CCDC125: variants seen among roughly 807,000 people sequenced by gnomAD.
The protein encoded by CCDC125 is coiled-coil domain-containing protein 125.
In CCDC125, 43 loss-of-function variants were observed where a neutral mutation model predicts 57.4. That is an observed-to-expected ratio of 0.75 (90% confidence interval 0.59 to 0.97). CCDC125 has a LOEUF of 0.97. Ranked by LOEUF, CCDC125 falls within the 50% of genes least tolerant of loss-of-function variation. The pLI is 0.00. For synonymous variants in CCDC125, 187 were observed against 195.2 expected, an observed-to-expected ratio of 0.96 and a Z score of 0.35; for missense variants, 563 against 595.7, an observed-to-expected ratio of 0.95 and a Z score of 0.57.
At chr5:69,316,438 G>C (rs968547248) in intron 2 of CCDC125, among the ~76,000 whole-genome samples, 14 of 152,240 alleles carry the variant, frequency 9.2e-5, no homozygotes, top group Admixed American at 2.0e-4. Flanking sequence ...ATGGGGAGGG[G>C]GCCATGAGCC....
At chr5:69,283,742 C>A (rs556858605) in intron 11 of CCDC125, among the ~76,000 whole-genome samples, 11 of 151,896 alleles carry the variant, frequency 7.2e-5, no homozygotes, top group African/African-American at 2.4e-4. Context: ...CTCGCCTCGG[C>A]CTCCCAAAGT....
chr5:69,306,922 C>T lies in CCDC125; in HGVS notation c.532-20G>A. ...TATTTCCTATGGAAAGAAAATAGTA[C>T]CTTCATGGCAAATTACTACAAATAA... On this transcript the variant is annotated intron_variant, in intron 5 of 11. Transcript: ENST00000396496. 4 of 1,469,498 alleles carry T rather than the reference C, an allele frequency of 2.7e-6. No individual in the cohort carries two copies. The highest frequency in any genetic ancestry group is 3.1e-5 in the South Asian group (2 of 64,738). The allele number at this position is 1,469,498 out of a possible 1,614,324, so 91.0% of individuals were successfully genotyped here.
rs76434936 is a variant in CCDC125 at position 69,292,548 on chromosome 5, C to A, written c.925-186G>T. Reference sequence around the variant, plus strand: ...TTCTGCAGTAGCAACTTACTCTGATCCAGATTATCAGTTTCCCTTGTGGTG... The same window carrying A: ...TTCTGCAGTAGCAACTTACTCTGATACAGATTATCAGTTTCCCTTGTGGTG... On this transcript the variant is annotated intron_variant, in intron 9 of 11. Coordinates refer to ENST00000396496, the MANE Select transcript of CCDC125 (RefSeq NM_176816.5). 4.2e-3 allele frequency among the ~76,000 whole-genome samples: 634 copies of A among 152,292 alleles called. 5 individuals carry two copies. The highest frequency in any genetic ancestry group is 0.015 in the African/African-American group (615 of 41,560).
In CCDC125 at chr5:69,312,399, G is replaced by A. The variant is rs530056238; in HGVS notation, c.367-1195C>T. On this transcript the variant is annotated intron_variant, in intron 3 of 11. Transcript: ENST00000396496. Reference sequence around the variant, plus strand: ...CCACCAGTTTGTGGTACATTGTCTCGGCAGCCAAATACAGTAGCTTTCACG... The same window carrying A: ...CCACCAGTTTGTGGTACATTGTCTCAGCAGCCAAATACAGTAGCTTTCACG... Among the ~76,000 whole-genome samples the A allele has an allele frequency of 5.9e-5, 9 of 152,232 alleles. No individual in the cohort carries two copies. In the East Asian group the frequency reaches 1.5e-3, roughly 26 times the overall value.
At chr5:69,313,928 C>T in intron 3 of CCDC125, 57 bp downstream of exon 3, 2 of 1,256,236 alleles carry the variant, frequency 1.6e-6, no homozygotes, top group African/African-American at 2.9e-5. Flanking sequence ...GAGAGCACTG[C>T]AGCCGCTGCT....
At position 69,281,596 on chromosome 5, in the gene CCDC125, G is replaced by A. The variant is rs973852301; in HGVS notation, c.*1133C>T. The A allele has an allele frequency of 6.6e-6, 1 of 152,070 alleles. No homozygotes were observed. Among genetic ancestry groups the A allele is most frequent in the African/African-American group, 2.4e-5 (1 of 41,408 alleles). 9.4% of individuals were successfully genotyped at this position (152,070 alleles called of 1,614,324 possible). ...ACTGACTCAATATACTTCTGCCAAG[G>A]TCCCACCATCAAAACTGTCTTATTG... is the stretch of plus-strand genomic sequence containing the variant. On this transcript the variant is annotated 3_prime_UTR_variant, in exon 12 of 12. Coordinates refer to ENST00000396496, the MANE Select transcript of CCDC125 (RefSeq NM_176816.5).
chr5:69,287,532 A>C (rs576412835), intron 10 of CCDC125, among the ~76,000 whole-genome samples: 93 of 151,136 alleles, frequency 6.2e-4, no homozygotes, highest in Non-Finnish European at 1.2e-3. Context: ...CAAAGTCCTG[A>C]GATTACAGGC....
intron 1 of CCDC125, among the ~76,000 whole-genome samples, chr5:69,329,030 T>C (rs1422582237): frequency 6.6e-6 from 1 of 151,854 alleles, no homozygotes; most frequent in Admixed American, 6.6e-5. Flanking sequence ...CCTGACCTCA[T>C]GATCCGCTGG....
chr5:69,314,868 C>T (rs777602910), intron 2 of CCDC125, among the ~76,000 whole-genome samples: 1 of 127,018 alleles, frequency 7.9e-6, no homozygotes, highest in African/African-American at 2.5e-5. Flanking sequence ...TGCATTCAAA[C>T]AAAAATAAAG....
In CCDC125 at chr5:69,300,044, T is replaced by A; in HGVS notation, c.784A>T (p.Lys262Ter). The A allele has an allele frequency of 6.2e-7, 1 of 1,614,220 alleles. No homozygotes were observed. Among genetic ancestry groups the A allele is most frequent in the East Asian group, 2.2e-5 (1 of 44,890 alleles). The change falls in exon 8 of 12, where the codon AAA becomes TAA. Residue 262 changes from lysine (K) to a stop codon, truncating the protein, a stop_gained. Coordinates refer to ENST00000396496, the MANE Select transcript of CCDC125 (RefSeq NM_176816.5). LOFTEE classifies it high-confidence loss of function. ...KMAQENMCCD[K>*]SGFAEASGLE... The stretch of plus-strand genomic sequence containing the variant: ...CCTGAAGCCTCTGCAAAGCCACTTT[T>A]ATCACAGCACATGTTTTCCTGAGCC...
chr5:69,287,926 G>C (rs752263428), intron 10 of CCDC125, among the ~76,000 whole-genome samples: 1 of 151,868 alleles, frequency 6.6e-6, no homozygotes, highest in African/African-American at 2.4e-5. Flanking sequence ...CTGGAACTCA[G>C]AGATTGGGAG....
chr5:69,292,901 C>T (rs1468171378), intron 9 of CCDC125, among the ~76,000 whole-genome samples: 2 of 138,450 alleles, frequency 1.4e-5, no homozygotes, highest in Non-Finnish European at 3.1e-5. Flanking sequence ...AGTGCAGTGT[C>T]GTGATCTCGG....
the CCDC125 span, among the ~76,000 whole-genome samples, chr5:69,273,600 G>C: frequency 6.6e-6 from 1 of 152,096 alleles, no homozygotes; most frequent in African/African-American, 2.4e-5. Flanking sequence ...ACTAACTGCT[G>C]TTTAAAGGAA....
At chr5:69,308,799 C>A in intron 4 of CCDC125, 1 of 158,418 alleles carries the variant, frequency 6.3e-6, no homozygotes, top group Non-Finnish European at 1.4e-5. Context: ...AAGATTGGAA[C>A]TTTCTAGAGA....
intron 2 of CCDC125, among the ~76,000 whole-genome samples, chr5:69,315,760 CA>C (rs749999748): frequency 6.8e-5 from 6 of 88,140 alleles, no homozygotes; most frequent in South Asian, 4.0e-4. Flanking sequence ...AACTCCGTCT[CA>C]AAAAAAAAAA....
intron 10 of CCDC125, among the ~76,000 whole-genome samples, chr5:69,287,882 TA>T (rs1290032740): frequency 2.6e-5 from 4 of 151,894 alleles, no homozygotes; most frequent in African/African-American, 9.7e-5. Flanking sequence ...ATCAATTATT[TA>T]AAATTCTGCC....
At chr5:69,331,786 T>G (rs1313404156) in intron 1 of CCDC125, among the ~76,000 whole-genome samples, 1 of 152,130 alleles carries the variant, frequency 6.6e-6, no homozygotes. Flanking sequence ...CCCCCTCAGT[T>G]CAGGACAGCA....
intron 8 of CCDC125, among the ~76,000 whole-genome samples, chr5:69,298,914 G>T (rs908847618): frequency 1.3e-5 from 2 of 152,118 alleles, no homozygotes; most frequent in African/African-American, 4.8e-5. Flanking sequence ...TGTGACACCA[G>T]GCAAATTACC....
chr5:69,323,031 G>T (rs530008204), intron 1 of CCDC125, among the ~76,000 whole-genome samples: 4 of 151,990 alleles, frequency 2.6e-5, no homozygotes, highest in Non-Finnish European at 4.4e-5. Flanking sequence ...GTTCGGCCTG[G>T]CGCGGTGGCT....
Sources: gnomAD v4.1 joint callset for allele counts (sites outside exome capture counted in the v4.1 genomes callset) on GRCh38, gnomAD v4.1.1 for gene constraint, MANE v1.5 for transcripts, NCBI Gene and HGNC (gene_info 2026-07-23, HGNC 2026-07-21) for gene names.